Variants in CLIC3 observed in about 807,000 individuals in gnomAD.
CLIC3 encodes the protein CLIC family member 3, also known as chloride intracellular channel protein 3.
A neutral mutation model predicts 19.9 loss-of-function variants in CLIC3; 29 were observed. The ratio of observed to expected loss-of-function variants is 1.46; its 90% CI spans 1.09 to 1.99. The LOEUF is 1.99. CLIC3 is among the 30% of genes most tolerant of loss of function. The pLI, the probability that CLIC3 is intolerant of heterozygous loss-of-function variation, is 0.00. For synonymous variants in CLIC3, 143 were observed against 156.4 expected (o/e 0.91, Z 0.64); for missense variants, 365 against 342.6 (o/e 1.07, Z -0.52).
chr9:136,996,139 C>A (rs1830701744), intron 1 of CLIC3, among the ~76,000 whole-genome samples: 1 of 152,180 alleles, frequency 6.6e-6, no homozygotes, highest in Admixed American at 6.5e-5. Context: ...CATCAGTCCC[C>A]CACCCCAGTC....
At position 136,995,530 on chromosome 9, in the gene CLIC3, G is replaced by A. The variant is rs1314676322; in HGVS notation, c.181C>T (p.Gln61Ter). Reference sequence around the variant, plus strand: ...CTGTCATAGAGCAGGATGGGCAGCTGCGAGCCGGGGGCGAAGTCCTTCAGC... The same window carrying A: ...CTGTCATAGAGCAGGATGGGCAGCTACGAGCCGGGGGCGAAGTCCTTCAGC... ...DVLKDFAPGS[Q>*]LPILLYDSDA... Residue 61 changes from glutamine to a stop codon, truncating the protein, a stop_gained, in exon 3 of 6, where the codon CAG (glutamine) becomes TAG (stop). Coordinates refer to ENST00000494426, the MANE Select transcript of CLIC3 (RefSeq NM_004669.3). LOFTEE classifies it high-confidence loss of function. The A allele has an allele frequency of 5.0e-6, 8 of 1,612,476 alleles. No homozygotes were observed. The highest frequency in any genetic ancestry group is 6.8e-6 in the Non-Finnish European group (8 of 1,179,834).
At position 136,995,638 on chromosome 9, in the gene CLIC3, G is replaced by T. The variant is rs200303239; in HGVS notation, c.143+10C>A. 3.0e-5 allele frequency: 48 copies of T among 1,609,954 alleles called. No homozygotes were observed. In the East Asian group the frequency reaches 8.9e-4, roughly 30 times the overall value. Reference sequence around the variant, plus strand: ...GAGGCCAGGCGGGGGTCCACAGGATGGGGCCTCACCTGCGCGTGTCCACCG... The same window carrying T: ...GAGGCCAGGCGGGGGTCCACAGGATTGGGCCTCACCTGCGCGTGTCCACCG... On this transcript the variant is annotated intron_variant, in intron 2 of 5. Coordinates refer to ENST00000494426, the MANE Select transcript of CLIC3 (RefSeq NM_004669.3).
chr9:136,995,484 A>C lies in CLIC3; in HGVS notation c.227T>G (p.Leu76Arg). Residue 76 changes from leucine to arginine, a missense_variant, in exon 3 of 6, where the codon CTG becomes CGG. Coordinates refer to ENST00000494426, the MANE Select transcript of CLIC3 (RefSeq NM_004669.3). ...LYDSDAKTDTLQIEDFLEETL... is the reference protein window; with the variant it reads ...LYDSDAKTDTRQIEDFLEETL... Reference sequence around the variant, plus strand: ...CTCCTCCAGAAAGTCCTCGATCTGCAGCGTGTCTGTCTTGGCGTCGCTGTC... The same window carrying C: ...CTCCTCCAGAAAGTCCTCGATCTGCCGCGTGTCTGTCTTGGCGTCGCTGTC... 2 of 1,612,490 alleles carry C rather than the reference A, an allele frequency of 1.2e-6. No individual in the cohort carries two copies. The highest frequency in any genetic ancestry group is 2.2e-5 in the South Asian group (2 of 91,072).
chr9:136,994,758 C>G lies in CLIC3; in HGVS notation c.634G>C (p.Glu212Gln). ...VRRYLDSAMQ[E>Q]KEFKYTCPHS... Reference sequence around the variant, plus strand: ...GGACACGTGTATTTGAACTCTTTCTCCTGCATCGCGCTGTCCAGGTAGCGG... The same window carrying G: ...GGACACGTGTATTTGAACTCTTTCTGCTGCATCGCGCTGTCCAGGTAGCGG... Residue 212 changes from glutamate to glutamine, a missense_variant, in exon 6 of 6, where the codon GAG becomes CAG. By Grantham distance (29) the Glu-to-Gln change is conservative. Coordinates refer to ENST00000494426, the MANE Select transcript of CLIC3 (RefSeq NM_004669.3). 6.2e-7 allele frequency: 1 copy of G among 1,605,662 alleles called. No individual in the cohort carries two copies.
intron 5 of CLIC3, 22 bp from the exon 6 acceptor site, chr9:136,994,861 G>A (rs1830673496): frequency 7.2e-6 from 11 of 1,525,608 alleles, no homozygotes; most frequent in Non-Finnish European, 9.7e-6. Flanking sequence ...ATCGCGGGGC[G>A]CGGTCAGGAC....
chr9:136,995,688 T>G lies in CLIC3; in HGVS notation c.103A>C (p.Lys35Gln). The G allele has an allele frequency of 6.2e-7, 1 of 1,608,628 alleles. No homozygotes were observed. The highest frequency in any genetic ancestry group is 8.5e-7 in the Non-Finnish European group (1 of 1,178,430). ...GTGGTGAGGGTGAAAGGTACGCCCT[T>G]GAGGAGCAGGACCATGAAGAGCCGC... ...CQRLFMVLLL[K>Q]GVPFTLTTVD... Residue 35 changes from lysine to glutamine, a missense_variant, in exon 2 of 6, where the codon AAG (lysine) becomes CAG (glutamine). By Grantham distance (53) the Lys-to-Gln change is moderately conservative (BLOSUM62 1). Coordinates refer to ENST00000494426, the MANE Select transcript of CLIC3 (RefSeq NM_004669.3).
Position 136,995,572 on chromosome 9 carries a change from G to A in CLIC3, c.144-5C>T, listed in dbSNP as rs1374459378. 6.2e-6 allele frequency: 10 copies of A among 1,611,476 alleles called. No homozygotes were observed. The highest frequency in any genetic ancestry group is 1.3e-5 in the African/African-American group (1 of 74,904). ...TCCTTCAGCACGTCCGGGGACCTGCGGGCAGCAGCGGGGTGGGAGGAGGCC... is the reference window on the plus strand; with the variant it reads ...TCCTTCAGCACGTCCGGGGACCTGCAGGCAGCAGCGGGGTGGGAGGAGGCC... On this transcript the variant is annotated splice_polypyrimidine_tract_variant and splice_region_variant and intron_variant, in intron 2 of 5. Transcript: ENST00000494426.
intron 1 of CLIC3, among the ~76,000 whole-genome samples, chr9:136,995,981 G>A (rs1830699593): frequency 6.6e-6 from 1 of 152,224 alleles, no homozygotes; most frequent in Non-Finnish European, 1.5e-5. Flanking sequence ...GCCTGGGGCA[G>A]GCTTGGCCCC....
Position 136,995,001 on chromosome 9 carries a change from G to T in CLIC3, c.481C>A (p.Arg161Ser). 4 of 1,505,878 alleles carry T rather than the reference G, an allele frequency of 2.7e-6. No homozygotes were observed. Among genetic ancestry groups the T allele is most frequent in the Non-Finnish European group, 3.5e-6 (4 of 1,133,006 alleles). The allele number at this position is 1,505,878 out of a possible 1,614,324, so 93.3% of individuals were successfully genotyped here. Residue 161 changes from arginine (R) to serine (S), a missense_variant, in exon 5 of 6, where the codon CGC becomes AGC. By Grantham distance (110) the Arg-to-Ser change is moderately radical. Coordinates refer to ENST00000494426, the MANE Select transcript of CLIC3 (RefSeq NM_004669.3). ...AGCCTGTCGCCGTCCAGGAAGCGGC[G>T]GCGGGACTCGCGCAGCTGCGGCTCC... ...AGEPQLRESRRRFLDGDRLTL... is the reference protein window; with the variant it reads ...AGEPQLRESRSRFLDGDRLTL...
In CLIC3 at chr9:136,995,769, G is replaced by A. The variant is rs755500070; in HGVS notation, c.34-12C>T. On this transcript the variant is annotated splice_polypyrimidine_tract_variant and intron_variant, in intron 1 of 5. Coordinates refer to ENST00000494426, the MANE Select transcript of CLIC3 (RefSeq NM_004669.3). ...CCGTCCTCACTCGCCTGGGTGGGTGGAGCGGGGGTGGGGGGTCAGGGCTGG... is the reference window on the plus strand; with the variant it reads ...CCGTCCTCACTCGCCTGGGTGGGTGAAGCGGGGGTGGGGGGTCAGGGCTGG... The A allele has an allele frequency of 6.6e-7, 1 of 1,513,528 alleles. No individual in the cohort carries two copies. Among genetic ancestry groups the A allele is most frequent in the South Asian group, 1.2e-5 (1 of 82,566 alleles). 93.8% of individuals were successfully genotyped at this position (1,513,528 alleles called of 1,614,324 possible).
intron 1 of CLIC3, 27 bp from the exon 2 acceptor site, chr9:136,995,784 G>T (rs1282797567): frequency 6.9e-7 from 1 of 1,448,346 alleles, no homozygotes; most frequent in South Asian, 1.3e-5. Context: ...GGGGTGGGGG[G>T]TCAGGGCTGG....
In CLIC3 at chr9:136,994,775, A is replaced by G. The variant is rs1331283452; in HGVS notation, c.617T>C (p.Leu206Pro). 3.1e-6 allele frequency: 5 copies of G among 1,599,682 alleles called. No individual in the cohort carries two copies. The highest frequency in any genetic ancestry group is 4.3e-6 in the Non-Finnish European group (5 of 1,173,816). Residue 206 changes from leucine (L) to proline (P), a missense_variant, in exon 6 of 6, where the codon CTG becomes CCG. Coordinates refer to ENST00000494426, the MANE Select transcript of CLIC3 (RefSeq NM_004669.3). ...CTCTTTCTCCTGCATCGCGCTGTCC[A>G]GGTAGCGGCGTACGCCGCGCAGCTC... ...PAELRGVRRY[L>P]DSAMQEKEFK...
chr9:136,995,626 G>A (rs369332047), intron 2 of CLIC3, 22 bp downstream of exon 2: 1 of 1,609,274 alleles, frequency 6.2e-7, no homozygotes, highest in African/African-American at 1.3e-5. Context: ...GCCAGGCGGG[G>A]GTCCACAGGA....
At chr9:136,995,944 G>A (rs936631374) in intron 1 of CLIC3, among the ~76,000 whole-genome samples, 187 bp from the exon 2 acceptor site, 8 of 152,232 alleles carry the variant, frequency 5.3e-5, no homozygotes, top group African/African-American at 2.4e-5. Flanking sequence ...ACGTGGGGAG[G>A]GGGGCAGAGC....
Position 136,994,629 on chromosome 9 carries a change from C to A in CLIC3, c.*52G>T. On this transcript the variant is annotated 3_prime_UTR_variant, in exon 6 of 6. Transcript: ENST00000494426. The stretch of plus-strand genomic sequence containing the variant: ...TCTGGCCCTTCAGATGTCAGGACAC[C>A]CTCACTCCCGACAAAGATGCCTTTA... 3 of 1,568,808 alleles carry A rather than the reference C, an allele frequency of 1.9e-6. No individual in the cohort carries two copies. The highest frequency in any genetic ancestry group is 2.6e-6 in the Non-Finnish European group (3 of 1,155,702).
rs1042292388 is a variant in CLIC3 at position 136,995,865 on chromosome 9, C to T, written c.34-108G>A. On this transcript the variant is annotated intron_variant, in intron 1 of 5. Transcript: ENST00000494426. ...CCCACTGCCAGTGGGATTGGAGGGACGCCAGGGCTCCAGCTTGGTCGGCGC... is the reference window on the plus strand; with the variant it reads ...CCCACTGCCAGTGGGATTGGAGGGATGCCAGGGCTCCAGCTTGGTCGGCGC... The T allele has an allele frequency of 6.8e-6, 5 of 733,204 alleles. No individual in the cohort carries two copies. In the African/African-American group the frequency reaches 7.1e-5, roughly 10 times the overall value. 45.4% of individuals were successfully genotyped at this position (733,204 alleles called of 1,614,324 possible).
At chr9:136,995,597 C>T (rs1379074813) in intron 2 of CLIC3, 30 bp from the exon 3 acceptor site, 2 of 1,610,530 alleles carry the variant, frequency 1.2e-6, no homozygotes, top group East Asian at 2.2e-5. Context: ...GGGAGGAGGC[C>T]GGCCCACCAG....
rs559155036 is a variant in CLIC3, at chr9:136,995,634, G to A, written c.143+14C>T. 6.2e-7 allele frequency: 1 copy of A among 1,610,012 alleles called. No individual in the cohort carries two copies. The highest frequency in any genetic ancestry group is 1.1e-5 in the South Asian group (1 of 90,872). On this transcript the variant is annotated intron_variant, in intron 2 of 5. Transcript: ENST00000494426. ...GTGCGAGGCCAGGCGGGGGTCCACA[G>A]GATGGGGCCTCACCTGCGCGTGTCC... is the stretch of plus-strand genomic sequence containing the variant.
At position 136,994,852 on chromosome 9, in the gene CLIC3, T is replaced by TCGCGGGGCGCGGTCAGGAC. The variant is rs1204410102; in HGVS notation, c.553-32_553-14dup. ...GCGCGCACACCGTCTGCGGGCAGGA[T>TCGCGGGGCGCGGTCAGGAC]CGCGGGGCGCGGTCAGGACCTGCCG... On this transcript the variant is annotated splice_polypyrimidine_tract_variant and intron_variant, in intron 5 of 5. Coordinates refer to ENST00000494426, the MANE Select transcript of CLIC3 (RefSeq NM_004669.3). 3 of 1,534,934 alleles carry TCGCGGGGCGCGGTCAGGAC rather than the reference T, an allele frequency of 2.0e-6. No individual in the cohort carries two copies. Among genetic ancestry groups the TCGCGGGGCGCGGTCAGGAC allele is most frequent in the Non-Finnish European group, 2.6e-6 (3 of 1,142,798 alleles).
Sources: allele counts gnomAD v4.1 joint callset (sites outside exome capture counted in the v4.1 genomes callset), GRCh38; gene constraint gnomAD v4.1.1; transcripts MANE v1.5; gene names NCBI Gene and HGNC (gene_info 2026-07-23, HGNC 2026-07-21).